Variants in BCL9 observed in about 807,000 individuals in gnomAD.
BCL9 encodes B-cell CLL/lymphoma 9 protein.
Under a neutral mutation model 88.5 loss-of-function variants are expected in BCL9, and 25 were observed. That is an observed-to-expected ratio of 0.28 (90% confidence interval 0.21 to 0.39). The LOEUF (loss-of-function observed/expected upper bound fraction) is 0.39. BCL9 is among the 10% of genes least tolerant of loss of function. BCL9 has a pLI of 1.00. For missense variants in BCL9, 1,817 were observed against 1,877.8 expected, an observed-to-expected ratio of 0.97 and a Z score of 0.60; for synonymous variants, 711 against 673.3, an observed-to-expected ratio of 1.06 and a Z score of -0.87.
Position 147,620,799 on chromosome 1 carries a change from A to C in BCL9, c.2644A>C (p.Asn882His). The C allele has an allele frequency of 6.2e-7, 1 of 1,614,108 alleles. No individual in the cohort carries two copies. Among genetic ancestry groups the C allele is most frequent in the South Asian group, 1.1e-5 (1 of 91,086 alleles). Residue 882 changes from asparagine (N) to histidine (H), a missense_variant, in exon 8 of 10, where the codon AAC (asparagine) becomes CAC (histidine). Asn to His is a moderately conservative substitution (Grantham distance 68, BLOSUM62 1). Around this residue, in one of 2 missense-constraint regions of BCL9, gnomAD observed 1,228 missense variants for 1,191.6 expected, o/e 1.03. Transcript: ENST00000234739. Reference protein sequence around the residue: ...QSPMLGSPSGNLKSPQTPSQL... With the variant: ...QSPMLGSPSGHLKSPQTPSQL... ...ACCAATGCTGGGCTCGCCCTCGGGG[A>C]ACCTCAAGTCCCCCCAGACTCCATC...
At chr1:147,604,608 T>C (rs1407457722) in intron 1 of BCL9, among the ~76,000 whole-genome samples, 169 bp from the exon 2 acceptor site, 1 of 152,102 alleles carries the variant, frequency 6.6e-6, no homozygotes, top group African/African-American at 2.4e-5. Flanking sequence ...ACTTCTTGTA[T>C]TTTGAGTTTT....
Position 147,618,888 on chromosome 1 carries a change from G to A in BCL9, c.733G>A (p.Asp245Asn), listed in dbSNP as rs782481465. ...PQQPPAPANQ[D>N]QNSSQNTRLQ... Reference sequence around the variant, plus strand: ...ACAGCCCCCAGCTCCGGCCAACCAGGACCAGAATTCTTCCCAGAATACCAG... The same window carrying A: ...ACAGCCCCCAGCTCCGGCCAACCAGAACCAGAATTCTTCCCAGAATACCAG... The change falls in exon 8 of 10, where the codon GAC (aspartate) becomes AAC (asparagine). Residue 245 changes from aspartate (D) to asparagine (N), a missense_variant. By Grantham distance (23) the Asp-to-Asn change is conservative (BLOSUM62 1). This residue lies in a region of BCL9 where 1,228 missense variants were observed against 1,191.6 expected (regional missense o/e 1.03). Transcript: ENST00000234739. 5.0e-6 allele frequency: 8 copies of A among 1,611,970 alleles called. No homozygotes were observed. The highest frequency in any genetic ancestry group is 1.1e-5 in the South Asian group (1 of 90,818).
chr1:147,587,804 A>G (rs1474227856), intron 1 of BCL9, among the ~76,000 whole-genome samples: 1 of 148,832 alleles, frequency 6.7e-6, no homozygotes, highest in Non-Finnish European at 1.5e-5. Flanking sequence ...GTGGTGTTTG[A>G]TGGGGATTAG....
At chr1:147,575,403 G>T (rs1237596058) in intron 1 of BCL9, among the ~76,000 whole-genome samples, 1 of 152,074 alleles carries the variant, frequency 6.6e-6, no homozygotes, top group Non-Finnish European at 1.5e-5. Context: ...CACTGCTTTT[G>T]CCCAGTGCCC....
At chr1:147,546,414 G>C (rs1350507244) in intron 1 of BCL9, among the ~76,000 whole-genome samples, 1 of 151,634 alleles carries the variant, frequency 6.6e-6, no homozygotes, top group African/African-American at 2.4e-5. Flanking sequence ...AATTTAGAGT[G>C]TTCATCGAAA....
At chr1:147,589,995 C>T (rs1294381816) in intron 1 of BCL9, among the ~76,000 whole-genome samples, 1 of 152,228 alleles carries the variant, frequency 6.6e-6, no homozygotes, top group Admixed American at 6.5e-5. Flanking sequence ...CTCACCAACA[C>T]TTGCCATTGT....
At chr1:147,606,230 G>T (rs1042215154) in intron 2 of BCL9, among the ~76,000 whole-genome samples, 1 of 152,132 alleles carries the variant, frequency 6.6e-6, no homozygotes, top group East Asian at 1.9e-4. Context: ...CACACAGTAG[G>T]CACTGAATAA....
At chr1:147,559,633 T>C (rs1655281975) in intron 1 of BCL9, among the ~76,000 whole-genome samples, 1 of 152,208 alleles carries the variant, frequency 6.6e-6, no homozygotes, top group Admixed American at 6.5e-5. Context: ...GCAGAGATGG[T>C]ATTTTTACCT....
intron 1 of BCL9, among the ~76,000 whole-genome samples, chr1:147,562,670 G>A (rs78453503): frequency 0.014 from 2,127 of 152,264 alleles, 59 homozygotes; most frequent in African/African-American, 0.049. Context: ...ACTGAATGGA[G>A]GCAGGGAGAG....
Position 147,613,162 on chromosome 1 carries a change from A to G in BCL9, c.333A>G (p.Arg111=). ...TTTCCGCCGACTCCTTTGATCAGAG[A>G]GATCCTGGGACTCCAAACGATGACT... is the stretch of plus-strand genomic sequence containing the variant. ...RSISADSFDQ[R]DPGTPNDDSD... The change falls in exon 5 of 10, where the codon AGA becomes AGG. Residue 111 remains arginine, a synonymous_variant. Transcript: ENST00000234739. The G allele has an allele frequency of 2.5e-6, 4 of 1,614,200 alleles. No individual in the cohort carries two copies. The highest frequency in any genetic ancestry group is 2.5e-6 in the Non-Finnish European group (3 of 1,180,032).
rs111277947 is a variant in BCL9, at chr1:147,609,125, G to A, written c.-260+2259G>A. 5.5e-3 allele frequency among the ~76,000 whole-genome samples: 838 copies of A among 152,318 alleles called. 10 individuals carry two copies. Among genetic ancestry groups the A allele is most frequent in the African/African-American group, 0.019 (784 of 41,570 alleles). ...AACATTGTATAAGTAGATCTAAGGT[G>A]TTAGGAGATGTAGTTATGTTGGGGG... is the stretch of plus-strand genomic sequence containing the variant. On this transcript the variant is annotated intron_variant, in intron 3 of 9. Coordinates refer to ENST00000234739, the MANE Select transcript of BCL9 (RefSeq NM_004326.4).
chr1:147,616,005 T>C, intron 7 of BCL9, 103 bp downstream of exon 7: 1 of 1,119,474 alleles, frequency 8.9e-7, no homozygotes, highest in Non-Finnish European at 1.3e-6. Flanking sequence ...CTTGATGGCA[T>C]GAGTTGCATT....
At chr1:147,559,689 A>G (rs1655283953) in intron 1 of BCL9, among the ~76,000 whole-genome samples, 1 of 152,174 alleles carries the variant, frequency 6.6e-6, no homozygotes, top group Admixed American at 6.5e-5. Context: ...CAAGGAGCCA[A>G]ATGTTATAAT....
chr1:147,610,176 C>CAA (rs782360371), intron 3 of BCL9, among the ~76,000 whole-genome samples: 144,568 of 147,750 alleles, frequency 0.98, 70,723 homozygotes, highest in East Asian at 1. Context: ...TAGTCTAAAC[C>CAA]AAAAAAAAAA....
At chr1:147,595,220 T>G (rs1656994940) in intron 1 of BCL9, among the ~76,000 whole-genome samples, 1 of 152,226 alleles carries the variant, frequency 6.6e-6, no homozygotes, top group African/African-American at 2.4e-5. Flanking sequence ...TGACCAGATG[T>G]GGAAACAAGG....
chr1:147,612,856 T>A (rs1553202829), intron 4 of BCL9, 27 bp from the exon 5 acceptor site: 1 of 1,609,012 alleles, frequency 6.2e-7, no homozygotes. Context: ...TGGTGTCTGA[T>A]CTTCCTTTGT....
At chr1:147,581,815 T>C (rs112111639) in intron 1 of BCL9, among the ~76,000 whole-genome samples, 15 of 152,224 alleles carry the variant, frequency 9.9e-5, no homozygotes, top group African/African-American at 3.1e-4. Context: ...TTGCAGATAT[T>C]TGTCAGGTTT....
intron 1 of BCL9, among the ~76,000 whole-genome samples, chr1:147,560,056 G>A (rs587627492): frequency 6.6e-6 from 1 of 152,280 alleles, no homozygotes; most frequent in Non-Finnish European, 1.5e-5. Flanking sequence ...ACAGACTGTT[G>A]TAAAGTTAAA....
intron 1 of BCL9, among the ~76,000 whole-genome samples, chr1:147,566,766 G>A (rs199569067): frequency 5.7e-5 from 8 of 139,326 alleles, no homozygotes; most frequent in Non-Finnish European, 8.1e-5. Context: ...CAAAAAAAAA[G>A]AAAAAAAAAG....
Sources: allele counts gnomAD v4.1 joint callset (sites outside exome capture counted in the v4.1 genomes callset), GRCh38; gene constraint gnomAD v4.1.1; regional missense constraint gnomAD v4.1.1; transcripts MANE v1.5; gene names NCBI Gene and HGNC (gene_info 2026-07-23, HGNC 2026-07-21).